RBFOX1: variants seen among roughly 807,000 people sequenced by gnomAD.
The protein encoded by RBFOX1 is RNA binding fox-1 homolog 1.
RBFOX1 carries 8 observed loss-of-function variants against 57.7 expected under a neutral mutation model. That is an observed-to-expected ratio of 0.14 (90% CI 0.08 to 0.25). The LOEUF (loss-of-function observed/expected upper bound fraction) is 0.25. Among genes scored for constraint, RBFOX1 ranks in the 10% least tolerant of loss-of-function variants. RBFOX1 has a pLI of 1.00. For synonymous variants in RBFOX1, 326 were observed against 222.4 expected (o/e 1.47, Z -4.15); for missense variants, 611 against 548.5 (o/e 1.11, Z -1.14).
At chr16:6,027,589 C>T (rs566227724) in intron 1 of RBFOX1, among the ~76,000 whole-genome samples, 18 of 152,272 alleles carry the variant, frequency 1.2e-4, no homozygotes, top group Non-Finnish European at 2.1e-4. Context: ...GATTAATCAG[C>T]CTGGTAAATT....
chr16:6,603,235 G>A (rs1193588471), intron 2 of RBFOX1, among the ~76,000 whole-genome samples: 1 of 152,134 alleles, frequency 6.6e-6, no homozygotes, highest in East Asian at 1.9e-4. Flanking sequence ...GTATATGGCA[G>A]AACTCAGTCA....
In RBFOX1 at chr16:7,315,456, A is replaced by ACACC; in HGVS notation, c.28-202690_28-202689insACCC. On this transcript the variant is annotated intron_variant, in intron 4 of 15. Transcript: ENST00000550418. ...AATGATTAAAGCCCTACTCTACCCTACCCCCCCCCCCATACTGGGGGCTTG... is the reference window on the plus strand; with the variant it reads ...AATGATTAAAGCCCTACTCTACCCTACACCCCCCCCCCCCCATACTGGGGGCTTG... Among the ~76,000 whole-genome samples the ACACC allele has an allele frequency of 2.4e-5, 3 of 123,838 alleles. No homozygotes were observed. The East Asian group carries it at 7.2e-4, about 30-fold the overall frequency. The allele number at this position is 123,838 out of a possible 152,430, so 81.2% of individuals were successfully genotyped here. A position where few individuals can be genotyped will look rare whatever the true frequency, so the allele number is the denominator to read the frequency against.
intron 3 of RBFOX1, among the ~76,000 whole-genome samples, chr16:5,700,281 C>G (rs974685339): frequency 6.6e-6 from 1 of 152,098 alleles, no homozygotes. Flanking sequence ...TATTCAAAAG[C>G]CCACTTTGAC....
intron 1 of RBFOX1, among the ~76,000 whole-genome samples, chr16:5,319,950 A>G (rs531628877): frequency 3.9e-5 from 6 of 152,222 alleles, no homozygotes; most frequent in Non-Finnish European, 8.8e-5. Context: ...TGAGGGGCAT[A>G]TATCACATCT....
chr16:5,871,213 C>T (rs1050958137), intron 4 of RBFOX1, among the ~76,000 whole-genome samples: 2 of 152,160 alleles, frequency 1.3e-5, no homozygotes, highest in Non-Finnish European at 2.9e-5. Flanking sequence ...ATCTTCTGAC[C>T]AAATTCTGCC....
intron 1 of RBFOX1, among the ~76,000 whole-genome samples, chr16:6,039,864 G>T (rs1433174936): frequency 6.6e-6 from 1 of 152,178 alleles, no homozygotes; most frequent in Non-Finnish European, 1.5e-5. Flanking sequence ...GCTCAGCCGG[G>T]GCTGGAGGAT....
At position 5,947,016 on chromosome 16, in the gene RBFOX1, A is replaced by G. The variant is rs2059413561; in HGVS notation, c.351+79681A>G. 6.6e-6 allele frequency among the ~76,000 whole-genome samples: 1 copy of G among 152,196 alleles called. No homozygotes were observed. The highest frequency in any genetic ancestry group is 6.5e-5 in the Admixed American group (1 of 15,284). On this transcript the variant is annotated intron_variant, in intron 4 of 19. Transcript: ENST00000641259. This position sits in a 1 kb window ranked among gnomAD's most constrained non-coding sequence, Gnocchi z 7.2. ...TGCTTGAGGCCAGGAGTTTGAGACC[A>G]GCTCTAGCAATATAGTGACACCCCA...
At chr16:6,560,544 C>T (rs144863358) in intron 2 of RBFOX1, among the ~76,000 whole-genome samples, 63 of 152,012 alleles carry the variant, frequency 4.1e-4, no homozygotes, top group African/African-American at 1.3e-3. Flanking sequence ...GGGAGTGGAG[C>T]GGAAAATAGC....
At chr16:6,756,798 T>C (rs572781845) in intron 3 of RBFOX1, among the ~76,000 whole-genome samples, 128 of 151,838 alleles carry the variant, frequency 8.4e-4, no homozygotes, top group African/African-American at 3.0e-3. Flanking sequence ...ATGGTGAAAC[T>C]CCATCTCTAC....
chr16:7,257,471 A>G (rs1255351411), intron 4 of RBFOX1, among the ~76,000 whole-genome samples: 6 of 152,154 alleles, frequency 3.9e-5, no homozygotes, highest in Non-Finnish European at 7.3e-5. Flanking sequence ...CTGGACTGGT[A>G]TGGCTGTCAG....
At chr16:6,266,763 C>T (rs1447253394) in intron 1 of RBFOX1, among the ~76,000 whole-genome samples, 1 of 151,754 alleles carries the variant, frequency 6.6e-6, no homozygotes, top group South Asian at 2.1e-4. Flanking sequence ...ATAACAGAAT[C>T]CTAGAAGAAC....
chr16:5,782,276 A>G (rs570946727), intron 3 of RBFOX1, among the ~76,000 whole-genome samples: 112 of 152,328 alleles, frequency 7.4e-4, no homozygotes, highest in Admixed American at 5.4e-3. Context: ...CACGTTTGGT[A>G]TCTGATGAGG....
intron 1 of RBFOX1, among the ~76,000 whole-genome samples, chr16:6,112,863 G>A (rs2096461255): frequency 6.6e-6 from 1 of 152,344 alleles, no homozygotes; most frequent in Admixed American, 6.5e-5. Flanking sequence ...AATCTTTGTA[G>A]AGGGGAGTTG....
intron 4 of RBFOX1, among the ~76,000 whole-genome samples, chr16:7,512,722 C>T (rs1252910575): frequency 6.6e-6 from 1 of 152,214 alleles, no homozygotes; most frequent in Non-Finnish European, 1.5e-5. Context: ...GTGCCCCCAG[C>T]TGGCCCTTGC....
chr16:6,754,181 A>G (rs777856352), intron 3 of RBFOX1, among the ~76,000 whole-genome samples: 5 of 152,174 alleles, frequency 3.3e-5, no homozygotes, highest in Non-Finnish European at 2.9e-5. Context: ...GCAAAACTCA[A>G]CACTCAGGCA....
chr16:5,330,036 C>A (rs1232039674), intron 1 of RBFOX1, among the ~76,000 whole-genome samples: 1 of 151,752 alleles, frequency 6.6e-6, no homozygotes, highest in East Asian at 1.9e-4. Context: ...TGCCTTCTTG[C>A]CGTGTCCTCA....
At chr16:7,613,965 G>A (rs1293956801) in intron 10 of RBFOX1, among the ~76,000 whole-genome samples, 1 of 152,168 alleles carries the variant, frequency 6.6e-6, no homozygotes, top group Non-Finnish European at 1.5e-5. Context: ...TATAAAGCAT[G>A]CCCTGTTTGG....
At chr16:6,233,602 C>G (rs1204050582) in intron 1 of RBFOX1, among the ~76,000 whole-genome samples, 4 of 152,094 alleles carry the variant, frequency 2.6e-5, no homozygotes, top group African/African-American at 9.7e-5. Flanking sequence ...CCACACCACA[C>G]CAGTCGCCTT....
chr16:6,492,413 C>G (rs527686523), intron 2 of RBFOX1, among the ~76,000 whole-genome samples: 2 of 152,114 alleles, frequency 1.3e-5, no homozygotes, highest in East Asian at 3.9e-4. Context: ...ACTAAAAATA[C>G]AAAAATTTGC....
Sources: allele counts gnomAD v4.1 joint callset (sites outside exome capture counted in the v4.1 genomes callset), GRCh38; gene constraint gnomAD v4.1.1; non-coding constraint Gnocchi (gnomAD v3.1); transcripts MANE v1.5; gene names NCBI Gene and HGNC (gene_info 2026-07-23, HGNC 2026-07-21).